L3MBTL4: variants seen among roughly 807,000 people sequenced by gnomAD.
L3MBTL4 encodes lethal(3)malignant brain tumor-like protein 4.
L3MBTL4 carries 70 observed loss-of-function variants against 84.5 expected under a neutral mutation model. The ratio of observed to expected loss-of-function variants is 0.83; its 90% CI spans 0.68 to 1.01. The LOEUF (loss-of-function observed/expected upper bound fraction) is 1.01. L3MBTL4 is among the 50% of genes least tolerant of loss of function. L3MBTL4 has a pLI of 0.00. For synonymous variants in L3MBTL4, 274 were observed against 259.8 expected, an observed-to-expected ratio of 1.05 and a Z score of -0.52; for missense variants, 715 against 754.8, an observed-to-expected ratio of 0.95 and a Z score of 0.62.
chr18:6,385,921 G>C lies in L3MBTL4; in HGVS notation c.-91+28880C>G, dbSNP rs1378217196. 3.3e-5 allele frequency among the ~76,000 whole-genome samples: 5 copies of C among 152,218 alleles called. No individual in the cohort carries two copies. In the East Asian group the frequency reaches 9.7e-4, roughly 29 times the overall value. On this transcript the variant is annotated intron_variant, in intron 1 of 18. Coordinates refer to ENST00000317931, the MANE Select transcript of L3MBTL4 (RefSeq NM_001330559.2). ...TCTCTAAACTTGAGCCAATGCCATA[G>C]ATAAAGGTATAAATATCACACATAA...
chr18:6,277,047 G>A (rs2049110229), intron 4 of L3MBTL4, among the ~76,000 whole-genome samples: 1 of 148,544 alleles, frequency 6.7e-6, no homozygotes, highest in South Asian at 2.1e-4. Context: ...TTCCACTCTT[G>A]ACTGAGTTCT....
At chr18:6,112,564 ACTAATCT>A (rs1480735468) in intron 14 of L3MBTL4, among the ~76,000 whole-genome samples, 1 of 152,146 alleles carries the variant, frequency 6.6e-6, no homozygotes, top group Non-Finnish European at 1.5e-5. Context: ...TCTGCAAATA[ACTAATCT>A]CTGGATAAGC....
Position 6,266,505 on chromosome 18 carries a change from C to T in L3MBTL4, c.128-2467G>A, listed in dbSNP as rs151096776. ...AGTGCTGCATCAGCACCAGAGATGACAGGAGGTAAGATGCACCTCTCACTA... is the reference window on the plus strand; with the variant it reads ...AGTGCTGCATCAGCACCAGAGATGATAGGAGGTAAGATGCACCTCTCACTA... On this transcript the variant is annotated intron_variant, in intron 4 of 18. Coordinates refer to ENST00000317931, the MANE Select transcript of L3MBTL4 (RefSeq NM_001330559.2). Among the ~76,000 whole-genome samples the T allele has an allele frequency of 1.2e-3, 181 of 152,296 alleles. 6 individuals are homozygous for T. The East Asian group carries it at 0.032, about 27-fold the overall frequency.
intron 1 of L3MBTL4, among the ~76,000 whole-genome samples, chr18:6,364,366 T>C (rs2053841769): frequency 1.3e-5 from 2 of 152,032 alleles, no homozygotes; most frequent in South Asian, 4.1e-4. Context: ...CCATAAATAT[T>C]GATATATAAG....
Position 6,243,307 on chromosome 18 carries a change from C to T in L3MBTL4, c.447G>A (p.Leu149=). ...VGWCEKTKHE[L]HIPKGYRKDK... is the part of the protein sequence containing the mutation. ...ATCCTGGCTTACCCTTAGGGATGTG[C>T]AGTTCATGTTTGGTCTTTTCACACC... is the stretch of plus-strand genomic sequence containing the variant. Residue 149 remains leucine, a synonymous_variant, in exon 7 of 19, where the codon CTG becomes CTA. Coordinates refer to ENST00000317931, the MANE Select transcript of L3MBTL4 (RefSeq NM_001330559.2). 4 of 1,587,834 alleles carry T rather than the reference C, an allele frequency of 2.5e-6. No homozygotes were observed. The highest frequency in any genetic ancestry group is 3.4e-6 in the Non-Finnish European group (4 of 1,168,484).
intron 13 of L3MBTL4, among the ~76,000 whole-genome samples, chr18:6,145,381 A>G (rs2144741266): frequency 6.6e-6 from 1 of 152,296 alleles, no homozygotes; most frequent in East Asian, 1.9e-4. Context: ...TATTTGGTAT[A>G]CAGACGCCCA....
chr18:6,408,243 C>T (rs901162289), intron 1 of L3MBTL4, among the ~76,000 whole-genome samples: 3 of 152,176 alleles, frequency 2.0e-5, no homozygotes, highest in Admixed American at 1.3e-4. Flanking sequence ...AATCAAGTCA[C>T]AATTAAATGG....
intron 14 of L3MBTL4, 107 bp downstream of exon 14, chr18:6,138,087 C>A (rs1014982353): frequency 7.8e-6 from 5 of 638,590 alleles, no homozygotes; most frequent in African/African-American, 5.5e-5. Flanking sequence ...GGGAGTGTCA[C>A]AGGGGCAGCT....
At chr18:6,199,176 A>G (rs1195435140) in intron 12 of L3MBTL4, among the ~76,000 whole-genome samples, 3 of 152,210 alleles carry the variant, frequency 2.0e-5, no homozygotes, top group Admixed American at 6.5e-5. Flanking sequence ...AATCCAACAC[A>G]GCATCAGCTT....
At chr18:6,270,415 T>C (rs1444280665) in intron 4 of L3MBTL4, among the ~76,000 whole-genome samples, 1 of 152,110 alleles carries the variant, frequency 6.6e-6, no homozygotes, top group Non-Finnish European at 1.5e-5. Flanking sequence ...TTTACTCGAG[T>C]TGGGGAGGCA....
Position 6,243,361 on chromosome 18 carries a change from A to T in L3MBTL4, c.393T>A (p.Ala131=), listed in dbSNP as rs772416730. The change falls in exon 7 of 19, where the codon GCT becomes GCA. Residue 131 remains alanine (A), a synonymous_variant. Coordinates refer to ENST00000317931, the MANE Select transcript of L3MBTL4 (RefSeq NM_001330559.2). ...CTACTGGATGAATGTCAGGGGAACC[A>T]GCATTGGTCCAAAAATCATAGCAAC... is the stretch of plus-strand genomic sequence containing the variant. The part of the protein sequence containing the change: ...YLSCYDFWTN[A]GSPDIHPVGW... The T allele has an allele frequency of 6.8e-6, 11 of 1,606,944 alleles. No homozygotes were observed. Among genetic ancestry groups the T allele is most frequent in the Non-Finnish European group, 7.6e-6 (9 of 1,176,888 alleles).
chr18:6,255,691 C>T (rs2048106650), intron 5 of L3MBTL4, among the ~76,000 whole-genome samples: 2 of 149,468 alleles, frequency 1.3e-5, no homozygotes, highest in Admixed American at 6.7e-5. Context: ...AGTATTCTTT[C>T]AAAAAATGCT....
intron 16 of L3MBTL4, among the ~76,000 whole-genome samples, chr18:6,027,954 A>C (rs2055589208): frequency 6.6e-6 from 1 of 152,190 alleles, no homozygotes; most frequent in Non-Finnish European, 1.5e-5. Flanking sequence ...TTAGATGGGT[A>C]GTTTGCAAAA....
intron 1 of L3MBTL4, among the ~76,000 whole-genome samples, chr18:6,316,473 G>A (rs2051105498): frequency 6.6e-6 from 1 of 152,182 alleles, no homozygotes; most frequent in Non-Finnish European, 1.5e-5. Context: ...TGCTCGTGAA[G>A]GGTCTTGGAG....
intron 18 of L3MBTL4, among the ~76,000 whole-genome samples, chr18:5,958,106 G>C (rs569836457): frequency 2.2e-5 from 2 of 91,462 alleles, no homozygotes; most frequent in African/African-American, 1.1e-4. Flanking sequence ...AGAAGAAGAA[G>C]AAGAAGAAGA....
chr18:6,273,855 G>A (rs565345199), intron 4 of L3MBTL4, among the ~76,000 whole-genome samples: 3 of 152,324 alleles, frequency 2.0e-5, no homozygotes, highest in Non-Finnish European at 4.4e-5. Context: ...GATCAAGAAG[G>A]GAACTTCGGA....
chr18:5,958,150 AGAAGAAGAACAAGAAGAAGAAGAAGAC>A (rs2095243342), intron 18 of L3MBTL4, among the ~76,000 whole-genome samples: 10 of 64,334 alleles, frequency 1.6e-4, no homozygotes, highest in South Asian at 5.2e-4. Context: ...AAGAAGAAGA[AGAAGAAGAACAAGAAGAAGAAGAAGAC>A]GACGAAGAAG....
intron 12 of L3MBTL4, among the ~76,000 whole-genome samples, chr18:6,182,142 C>T (rs2044501992): frequency 6.6e-6 from 1 of 152,210 alleles, no homozygotes; most frequent in African/African-American, 2.4e-5. Context: ...CCCTTTTCTC[C>T]ACAATCTTGC....
chr18:6,020,716 G>C (rs1404475047), intron 16 of L3MBTL4, among the ~76,000 whole-genome samples: 1 of 152,180 alleles, frequency 6.6e-6, no homozygotes, highest in Non-Finnish European at 1.5e-5. Context: ...TTGTGAAGGA[G>C]AGGAGTCAAG....
Sources: allele counts gnomAD v4.1 joint callset (sites outside exome capture counted in the v4.1 genomes callset), GRCh38; gene constraint gnomAD v4.1.1; transcripts MANE v1.5; gene names NCBI Gene and HGNC (gene_info 2026-07-23, HGNC 2026-07-21).